Variants in RBPJ observed in about 807,000 individuals in gnomAD.
The protein encoded by RBPJ is recombining binding protein suppressor of hairless.
RBPJ carries 9 observed loss-of-function variants against 67.8 expected under a neutral mutation model. The observed-to-expected ratio is 0.13, with a 90% CI of 0.08 to 0.23. The LOEUF (loss-of-function observed/expected upper bound fraction) is 0.23, where lower values mean the gene tolerates loss of function less well. Ranked by LOEUF, RBPJ falls within the 10% of genes least tolerant of loss-of-function variation. RBPJ has a pLI of 1.00. For synonymous variants in RBPJ, 198 were observed against 203.3 expected (o/e 0.97, Z 0.22); for missense variants, 305 against 595.6 (o/e 0.51, Z 5.08).
the RBPJ span, among the ~76,000 whole-genome samples, chr4:26,154,179 G>A: frequency 2.0e-5 from 3 of 152,200 alleles, no homozygotes; most frequent in East Asian, 3.9e-4. Flanking sequence ...ATCATAACAC[G>A]GGGAACAGAA....
intron 1 of RBPJ, among the ~76,000 whole-genome samples, chr4:26,276,551 C>T (rs1328592189): frequency 6.6e-6 from 1 of 152,158 alleles, no homozygotes; most frequent in African/African-American, 2.4e-5. Flanking sequence ...GAAAATCTAA[C>T]ATGGCCTTGG....
chr4:26,413,682 A>G (rs1734266389), intron 3 of RBPJ, among the ~76,000 whole-genome samples: 2 of 152,322 alleles, frequency 1.3e-5, no homozygotes, highest in East Asian at 1.9e-4. Flanking sequence ...CAGTCAGTTC[A>G]GTAGATAATA....
At chr4:26,138,259 T>C in the RBPJ span, among the ~76,000 whole-genome samples, 1 of 152,084 alleles carries the variant, frequency 6.6e-6, no homozygotes, top group Non-Finnish European at 1.5e-5. Context: ...TACCTTCCAC[T>C]GTTGAAGCCA....
At chr4:26,110,267 T>C in the RBPJ span, among the ~76,000 whole-genome samples, 4 of 152,188 alleles carry the variant, frequency 2.6e-5, no homozygotes, top group Non-Finnish European at 4.4e-5. The surrounding 1 kb of genome is among the most constrained non-coding windows in gnomAD (Gnocchi z 4.5). Context: ...GGGTCCAGCA[T>C]AGGGGGACAG....
At chr4:26,395,050 A>G (rs1203522614) in intron 2 of RBPJ, among the ~76,000 whole-genome samples, 1 of 152,038 alleles carries the variant, frequency 6.6e-6, no homozygotes, top group Non-Finnish European at 1.5e-5. Context: ...TCTCACATGT[A>G]CCTCCATTGT....
intron 1 of RBPJ, among the ~76,000 whole-genome samples, chr4:26,222,633 AATATAT>A (rs10673072): frequency 1.4e-4 from 19 of 135,928 alleles, no homozygotes; most frequent in Admixed American, 3.0e-4. Context: ...TGTACTCTGA[AATATAT>A]ATATATATAT....
intron 1 of RBPJ, among the ~76,000 whole-genome samples, chr4:26,376,333 A>C (rs1729725437): frequency 6.6e-6 from 1 of 152,238 alleles, no homozygotes; most frequent in Middle Eastern, 3.4e-3. Flanking sequence ...TTCTGTCTCC[A>C]TGAATTTGAC....
At chr4:26,267,240 T>C (rs1190542556) in intron 1 of RBPJ, among the ~76,000 whole-genome samples, 1 of 151,932 alleles carries the variant, frequency 6.6e-6, no homozygotes, top group Non-Finnish European at 1.5e-5. Context: ...AGTCTTAGAG[T>C]CTGGAGGGGG....
At chr4:26,340,334 G>C (rs1441328021) in intron 1 of RBPJ, among the ~76,000 whole-genome samples, 2 of 152,202 alleles carry the variant, frequency 1.3e-5, no homozygotes, top group South Asian at 2.1e-4. Flanking sequence ...GGTTGGAGCA[G>C]AGTAGTAAGA....
At chr4:26,134,418 A>G in the RBPJ span, among the ~76,000 whole-genome samples, 1 of 152,214 alleles carries the variant, frequency 6.6e-6, no homozygotes, top group Non-Finnish European at 1.5e-5. Context: ...GACACTTCTA[A>G]GCACAGGCCC....
intron 3 of RBPJ, among the ~76,000 whole-genome samples, chr4:26,412,765 C>G (rs534484532): frequency 5.9e-5 from 9 of 152,248 alleles, no homozygotes; most frequent in African/African-American, 2.2e-4. Flanking sequence ...AAAATTGATG[C>G]CTTCTCAACC....
At chr4:26,402,050 G>A (rs1732876685) in intron 2 of RBPJ, among the ~76,000 whole-genome samples, 1 of 151,634 alleles carries the variant, frequency 6.6e-6, no homozygotes, top group Non-Finnish European at 1.5e-5. Flanking sequence ...CACCATGCCT[G>A]GCTAATTCTG....
At chr4:26,339,249 G>A (rs1311279418) in intron 1 of RBPJ, among the ~76,000 whole-genome samples, 2 of 152,182 alleles carry the variant, frequency 1.3e-5, no homozygotes, top group East Asian at 3.8e-4. Context: ...AGTTTGGTGA[G>A]GGAGGTAGTA....
chr4:26,162,245 G>A (rs1183676861), upstream of RBPJ, among the ~76,000 whole-genome samples: 1 of 152,184 alleles, frequency 6.6e-6, no homozygotes, highest in Non-Finnish European at 1.5e-5. Flanking sequence ...CAGAGGCCTA[G>A]GACAGCCGAC....
upstream of RBPJ, among the ~76,000 whole-genome samples, chr4:26,318,322 G>A (rs145350358): frequency 3.2e-4 from 48 of 152,224 alleles, 2 homozygotes; most frequent in African/African-American, 1.1e-3. Flanking sequence ...CCACATCAGG[G>A]CCAATCTGAA....
At chr4:26,262,590 G>A (rs1720575109) in intron 1 of RBPJ, among the ~76,000 whole-genome samples, 2 of 152,060 alleles carry the variant, frequency 1.3e-5, no homozygotes, top group Non-Finnish European at 2.9e-5. Flanking sequence ...CTTCCTTTGT[G>A]TTGGGATTCC....
At chr4:26,188,099 C>T (rs1332630455) in intron 1 of RBPJ, among the ~76,000 whole-genome samples, 8 of 152,032 alleles carry the variant, frequency 5.3e-5, no homozygotes, top group Non-Finnish European at 8.8e-5. Context: ...ATCCCAGCTA[C>T]TTGGGAGGCC....
chr4:26,319,790 AG>A, upstream of RBPJ: 5 of 1,321,576 alleles, frequency 3.8e-6, no homozygotes, highest in South Asian at 5.9e-5. Context: ...GGCGAATTCC[AG>A]TTCTCCGGGT....
chr4:26,314,574 T>C (rs1257510174), intron 1 of RBPJ, among the ~76,000 whole-genome samples: 1 of 152,072 alleles, frequency 6.6e-6, no homozygotes, highest in Non-Finnish European at 1.5e-5. Flanking sequence ...TGAGATCCGG[T>C]CATTTAAAAG....
Sources: gnomAD v4.1 joint callset for allele counts (sites outside exome capture counted in the v4.1 genomes callset) on GRCh38, gnomAD v4.1.1 for gene constraint, Gnocchi (gnomAD v3.1) non-coding constraint, MANE v1.5 for transcripts, NCBI Gene and HGNC (gene_info 2026-07-23, HGNC 2026-07-21) for gene names.